EYS: variants seen among roughly 807,000 people sequenced by gnomAD.
EYS encodes protein eyes shut homolog.
Under a neutral mutation model 282.1 loss-of-function variants are expected in EYS, and 250 were observed. That is an observed-to-expected ratio of 0.89 (90% CI 0.80 to 0.98). The LOEUF (loss-of-function observed/expected upper bound fraction) is 0.98. EYS is among the 50% of genes least tolerant of loss of function. The pLI, the probability that EYS is intolerant of heterozygous loss-of-function variation, is 0.00. For synonymous variants in EYS, 1,355 were observed against 1,282.9 expected (o/e 1.06, Z -1.20); for missense variants, 4,016 against 3,709.0 (o/e 1.08, Z -2.15).
At chr6:65,681,516 GATCTTCAC>G (rs1768817883) in intron 1 of EYS, among the ~76,000 whole-genome samples, 1 of 151,922 alleles carries the variant, frequency 6.6e-6, no homozygotes, top group African/African-American at 2.4e-5. Context: ...TTACGTTAAT[GATCTTCAC>G]GATATAGCAG....
At chr6:64,288,145 G>A (rs1432451954) in intron 30 of EYS, among the ~76,000 whole-genome samples, 2 of 152,074 alleles carry the variant, frequency 1.3e-5, no homozygotes, top group African/African-American at 2.4e-5. Context: ...AGAAGTAGAT[G>A]GTGTTGGGTC....
At chr6:63,851,338 A>G (rs1469593227) in intron 36 of EYS, among the ~76,000 whole-genome samples, 1 of 152,208 alleles carries the variant, frequency 6.6e-6, no homozygotes, top group Non-Finnish European at 1.5e-5. Context: ...AGACATCTAC[A>G]GAACTCTCCA....
chr6:65,201,606 T>C (rs1023656635), intron 12 of EYS, among the ~76,000 whole-genome samples: 1 of 151,804 alleles, frequency 6.6e-6, no homozygotes, highest in African/African-American at 2.4e-5. Context: ...TTTCTGAATT[T>C]TACATAATTT....
At chr6:65,699,615 G>T (rs1769584788) in intron 1 of EYS, among the ~76,000 whole-genome samples, 1 of 152,158 alleles carries the variant, frequency 6.6e-6, no homozygotes, top group Non-Finnish European at 1.5e-5. Context: ...AAGGCAAGGA[G>T]ATTTTTAACT....
intron 7 of EYS, among the ~76,000 whole-genome samples, chr6:65,400,673 T>G (rs1766459996): frequency 1.3e-5 from 2 of 151,986 alleles, no homozygotes; most frequent in African/African-American, 4.8e-5. Flanking sequence ...TTTCACTGTC[T>G]TTCTCAGGGA....
intron 14 of EYS, among the ~76,000 whole-genome samples, chr6:64,974,453 C>T (rs189232929): frequency 1.3e-5 from 2 of 151,730 alleles, no homozygotes; most frequent in African/African-American, 4.8e-5. Context: ...ATCAGACTAT[C>T]TAGTAATGGC....
chr6:65,418,855 T>A (rs1767344925), intron 5 of EYS, among the ~76,000 whole-genome samples: 1 of 152,018 alleles, frequency 6.6e-6, no homozygotes, highest in South Asian at 2.1e-4. Flanking sequence ...AAATCTGTCA[T>A]GAATACTAAA....
chr6:65,668,489 C>A (rs1465365954), intron 1 of EYS, among the ~76,000 whole-genome samples: 6 of 151,754 alleles, frequency 4.0e-5, no homozygotes, highest in African/African-American at 1.2e-4. Flanking sequence ...TCTATGACTG[C>A]TTTCACTCTA....
At chr6:65,553,794 C>A (rs1405955405) in intron 2 of EYS, among the ~76,000 whole-genome samples, 3 of 151,922 alleles carry the variant, frequency 2.0e-5, no homozygotes, top group Non-Finnish European at 4.4e-5. Flanking sequence ...TGATAATGTC[C>A]AAATCTCAAG....
intron 29 of EYS, among the ~76,000 whole-genome samples, chr6:64,319,603 C>A (rs1251866013): frequency 6.6e-6 from 1 of 151,602 alleles, no homozygotes; most frequent in East Asian, 1.9e-4. Flanking sequence ...TAGGCTAAAC[C>A]TTTTATGAGA....
At chr6:65,023,400 A>G (rs1772306359) in intron 13 of EYS, among the ~76,000 whole-genome samples, 1 of 152,168 alleles carries the variant, frequency 6.6e-6, no homozygotes, top group South Asian at 2.1e-4. Flanking sequence ...AAATATAAAG[A>G]GATTTTTAAT....
At chr6:65,682,236 G>A (rs1768852059) in intron 1 of EYS, among the ~76,000 whole-genome samples, 1 of 151,890 alleles carries the variant, frequency 6.6e-6, no homozygotes, top group Non-Finnish European at 1.5e-5. Context: ...GTTTGTTTAT[G>A]TCACTGCTGA....
intron 24 of EYS, among the ~76,000 whole-genome samples, chr6:64,611,613 A>T (rs1191272026): frequency 1.3e-5 from 2 of 152,168 alleles, no homozygotes; most frequent in South Asian, 4.1e-4. Flanking sequence ...TCTGCAAAAA[A>T]TGGTGCTCAA....
At chr6:64,202,807 CAG>C (rs924597500) in intron 31 of EYS, among the ~76,000 whole-genome samples, 2 of 152,116 alleles carry the variant, frequency 1.3e-5, no homozygotes, top group African/African-American at 4.8e-5. Context: ...AAGATGAAGG[CAG>C]AGATTAGAGT....
intron 31 of EYS, among the ~76,000 whole-genome samples, chr6:64,087,204 T>C (rs1488147920): frequency 1.3e-5 from 2 of 152,172 alleles, no homozygotes; most frequent in African/African-American, 4.8e-5. Flanking sequence ...TATTTTTGCC[T>C]ATCTTACTGG....
chr6:63,952,940 G>A (rs1363066591), intron 35 of EYS, among the ~76,000 whole-genome samples: 2 of 152,106 alleles, frequency 1.3e-5, no homozygotes, highest in African/African-American at 4.8e-5. Context: ...GCCTTTTACA[G>A]CCTATAAACT....
intron 2 of EYS, among the ~76,000 whole-genome samples, chr6:65,541,291 T>C: frequency 6.6e-6 from 1 of 152,204 alleles, no homozygotes; most frequent in South Asian, 2.1e-4. Context: ...CGATTAATAG[T>C]GTATAACCAC....
At chr6:65,569,092 A>T (rs1294026026) in intron 2 of EYS, among the ~76,000 whole-genome samples, 1 of 152,186 alleles carries the variant, frequency 6.6e-6, no homozygotes, top group Non-Finnish European at 1.5e-5. Flanking sequence ...GGCCTGAAGT[A>T]ACTAAAGAAT....
At chr6:64,006,639 C>T (rs1415096128) in intron 33 of EYS, among the ~76,000 whole-genome samples, 1 of 152,000 alleles carries the variant, frequency 6.6e-6, no homozygotes, top group Non-Finnish European at 1.5e-5. Context: ...ATCAATGGCT[C>T]TTATTATTTT....
Sources: allele counts gnomAD v4.1 joint callset (sites outside exome capture counted in the v4.1 genomes callset), GRCh38; gene constraint gnomAD v4.1.1; transcripts MANE v1.5; gene names NCBI Gene and HGNC (gene_info 2026-07-23, HGNC 2026-07-21).